The following CLSTN2 variants were observed in gnomAD, a reference collection of about 807,000 sequenced individuals.
CLSTN2 encodes the protein calsyntenin 2.
A neutral mutation model predicts 101.2 loss-of-function variants in CLSTN2; 48 were observed. The observed-to-expected ratio is 0.47, with a 90% CI of 0.38 to 0.60. The LOEUF (loss-of-function observed/expected upper bound fraction) is 0.60. CLSTN2 is among the 20% of genes least tolerant of loss of function. The pLI is 0.00. For missense variants in CLSTN2, 1,160 were observed against 1,238.2 expected (o/e 0.94, Z 0.95); for synonymous variants, 481 against 463.6 (o/e 1.04, Z -0.48).
At chr3:140,221,578 T>C (rs9845709) in intron 2 of CLSTN2, among the ~76,000 whole-genome samples, 49,985 of 152,026 alleles carry the variant, frequency 0.33, 8,574 homozygotes, top group Middle Eastern at 0.39. Context: ...TTGCAAACTA[T>C]CTATCTGACA....
At chr3:140,106,419 G>T (rs2009059176) in intron 1 of CLSTN2, among the ~76,000 whole-genome samples, 1 of 152,174 alleles carries the variant, frequency 6.6e-6, no homozygotes, top group South Asian at 2.1e-4. Flanking sequence ...CAGGCCAGAT[G>T]TCCACTGCCT....
rs192950542 is a variant in CLSTN2, at chr3:140,483,220, C to A, written c.1344+16489C>A. 3.2e-3 allele frequency among the ~76,000 whole-genome samples: 484 copies of A among 152,286 alleles called. 4 individuals carry two copies. Among genetic ancestry groups the A allele is most frequent in the African/African-American group, 0.011 (444 of 41,560 alleles). ...TATTTACCCAGTAGTCATTCAGGAG[C>A]AGGTTGCTTGGTTTCCATGTAGTTG... On this transcript the variant is annotated intron_variant, in intron 8 of 16. Transcript: ENST00000458420.
At chr3:140,146,756 TGTCA>T (rs1430649441) in intron 1 of CLSTN2, among the ~76,000 whole-genome samples, 1 of 152,230 alleles carries the variant, frequency 6.6e-6, no homozygotes, top group African/African-American at 2.4e-5. Flanking sequence ...GGGATATTCA[TGTCA>T]GTCCAGAACC....
intron 1 of CLSTN2, among the ~76,000 whole-genome samples, chr3:140,138,379 C>G (rs2009646849): frequency 6.6e-6 from 1 of 152,174 alleles, no homozygotes; most frequent in East Asian, 1.9e-4. Flanking sequence ...TGAACCAGGG[C>G]CAGCAAAGTA....
intron 4 of CLSTN2, among the ~76,000 whole-genome samples, chr3:140,418,094 A>G (rs1367895532): frequency 6.6e-6 from 1 of 152,212 alleles, no homozygotes; most frequent in African/African-American, 2.4e-5. Flanking sequence ...TAAGAGGAGT[A>G]TCTTTTGAGG....
chr3:140,518,490 T>C (rs1276431178), intron 8 of CLSTN2, among the ~76,000 whole-genome samples: 3 of 152,184 alleles, frequency 2.0e-5, no homozygotes, highest in African/African-American at 7.2e-5. Context: ...TTCCCCCTAC[T>C]TCTCCTACTC....
At chr3:140,565,264 G>A (rs1402356486) in intron 16 of CLSTN2, among the ~76,000 whole-genome samples, 1 of 152,158 alleles carries the variant, frequency 6.6e-6, no homozygotes, top group Non-Finnish European at 1.5e-5. Context: ...GTTGGCCTAG[G>A]GGAGACCTTG....
At chr3:140,497,824 A>C (rs571469140) in intron 8 of CLSTN2, among the ~76,000 whole-genome samples, 1 of 152,256 alleles carries the variant, frequency 6.6e-6, no homozygotes, top group Non-Finnish European at 1.5e-5. Context: ...GATGGCATGG[A>C]CTCATGAGGG....
At chr3:140,521,029 T>C (rs954181092) in intron 8 of CLSTN2, among the ~76,000 whole-genome samples, 1 of 150,904 alleles carries the variant, frequency 6.6e-6, no homozygotes, top group Admixed American at 6.7e-5. Context: ...CGTTTTATCA[T>C]GATTTTTAGC....
intron 1 of CLSTN2, among the ~76,000 whole-genome samples, chr3:140,115,413 G>T (rs141046600): frequency 5.5e-4 from 83 of 152,276 alleles, no homozygotes; most frequent in Admixed American, 1.1e-3. Context: ...TGGGTGGGTA[G>T]GTGGGGGCCA....
At chr3:140,537,572 T>C (rs771707958) in intron 9 of CLSTN2, among the ~76,000 whole-genome samples, 13 of 152,150 alleles carry the variant, frequency 8.5e-5, no homozygotes, top group Non-Finnish European at 1.5e-4. Context: ...GTGTCCAGGA[T>C]GACACAATAT....
intron 8 of CLSTN2, among the ~76,000 whole-genome samples, chr3:140,485,849 C>T (rs988626005): frequency 1.3e-5 from 2 of 152,100 alleles, no homozygotes; most frequent in Non-Finnish European, 2.9e-5. Flanking sequence ...TTTCCAGGTG[C>T]CGTCTGTCAC....
At chr3:139,977,111 G>A (rs1559795) in intron 1 of CLSTN2, among the ~76,000 whole-genome samples, 89,712 of 151,922 alleles carry the variant, frequency 0.59, 28,774 homozygotes, top group East Asian at 0.72. Flanking sequence ...GCTAGCATTT[G>A]ATTTGCAGGT....
intron 5 of CLSTN2, among the ~76,000 whole-genome samples, chr3:140,438,431 TAAAA>T (rs60186664): frequency 4.4e-5 from 2 of 45,670 alleles, no homozygotes; most frequent in Admixed American, 4.4e-4. Flanking sequence ...GTCCTTTCAT[TAAAA>T]AAAAAAAAAA....
Position 140,350,687 on chromosome 3 carries a change from T to C in CLSTN2, c.233-52942T>C, listed in dbSNP as rs147271670. 1.4e-4 allele frequency among the ~76,000 whole-genome samples: 21 copies of C among 152,348 alleles called. No homozygotes were observed. In the East Asian group the frequency reaches 4.1e-3, roughly 29 times the overall value. ...TGCTTCTAAGTTCATATATATCTTT[T>C]GTAGATGGCATGCATGTAATGAGGC... On this transcript the variant is annotated intron_variant, in intron 2 of 16. Transcript: ENST00000458420.
At chr3:140,353,031 A>G (rs1025750517) in intron 2 of CLSTN2, among the ~76,000 whole-genome samples, 1 of 152,170 alleles carries the variant, frequency 6.6e-6, no homozygotes, top group Non-Finnish European at 1.5e-5. Context: ...CATAACAGCT[A>G]TTTACATGGG....
At chr3:140,451,269 G>A (rs1353451115) in intron 6 of CLSTN2, among the ~76,000 whole-genome samples, 1 of 152,182 alleles carries the variant, frequency 6.6e-6, no homozygotes, top group Non-Finnish European at 1.5e-5. Context: ...GAGATATGGA[G>A]TGTAATAAGG....
chr3:140,267,564 G>A (rs1322973522), intron 2 of CLSTN2, among the ~76,000 whole-genome samples: 3 of 152,194 alleles, frequency 2.0e-5, no homozygotes, highest in African/African-American at 4.8e-5. Flanking sequence ...CTGAAAATAG[G>A]TGAACACATC....
At chr3:140,516,450 G>A (rs1934918255) in intron 8 of CLSTN2, among the ~76,000 whole-genome samples, 1 of 151,810 alleles carries the variant, frequency 6.6e-6, no homozygotes, top group Admixed American at 6.6e-5. Context: ...ATGCTTTAAG[G>A]ATGTTCTATT....
Sources: gnomAD v4.1 joint callset for allele counts (sites outside exome capture counted in the v4.1 genomes callset) on GRCh38, gnomAD v4.1.1 for gene constraint, MANE v1.5 for transcripts, NCBI Gene and HGNC (gene_info 2026-07-23, HGNC 2026-07-21) for gene names.